The following DEPDC1B variants were observed in gnomAD, a reference collection of about 807,000 sequenced individuals.
DEPDC1B encodes DEP domain containing 1B.
Under a neutral mutation model 66.5 loss-of-function variants are expected in DEPDC1B, and 51 were observed. That is an observed-to-expected ratio of 0.77 (90% CI 0.61 to 0.97). The LOEUF is 0.97. Among genes scored for constraint, DEPDC1B ranks in the 50% least tolerant of loss-of-function variants. The probability of loss-of-function intolerance (pLI) is 0.00; values close to 1 mark genes in which losing one functional copy is unlikely to be tolerated. For synonymous variants in DEPDC1B, 226 were observed against 223.6 expected (o/e 1.01, Z -0.10); for missense variants, 552 against 637.1 (o/e 0.87, Z 1.44).
At chr5:60,671,723 A>C (rs1233377191) in intron 2 of DEPDC1B, among the ~76,000 whole-genome samples, 1 of 152,108 alleles carries the variant, frequency 6.6e-6, no homozygotes, top group Non-Finnish European at 1.5e-5. Context: ...TCTCTTGCAC[A>C]TCTAGTTCCC....
intron 7 of DEPDC1B, among the ~76,000 whole-genome samples, chr5:60,616,405 A>C (rs1020079850): frequency 1.3e-5 from 2 of 152,194 alleles, no homozygotes; most frequent in Non-Finnish European, 2.9e-5. Context: ...AAAAAATCAG[A>C]CGAACGGCTA....
intron 7 of DEPDC1B, among the ~76,000 whole-genome samples, chr5:60,616,007 C>G (rs947406237): frequency 1.3e-5 from 2 of 152,212 alleles, no homozygotes; most frequent in African/African-American, 4.8e-5. Flanking sequence ...TCTGCAGCCT[C>G]TGCTGCTGAT....
rs954030943 is a variant in DEPDC1B, at chr5:60,609,598, T to A, written c.899-3742A>T. ...TGTCACCTGCAGCTGGAGCATGGAA[T>A]ACAGTTTACCAGACTGGGGAGAAAA... On this transcript the variant is annotated intron_variant, in intron 7 of 10. Coordinates refer to ENST00000265036, the MANE Select transcript of DEPDC1B (RefSeq NM_018369.3). Among the ~76,000 whole-genome samples, 10 of 152,298 alleles carry A rather than the reference T, an allele frequency of 6.6e-5. No individual in the cohort carries two copies. The East Asian group carries it at 1.9e-3, about 29-fold the overall frequency.
At chr5:60,651,023 C>T (rs572250996) in intron 2 of DEPDC1B, among the ~76,000 whole-genome samples, 4 of 152,270 alleles carry the variant, frequency 2.6e-5, no homozygotes, top group South Asian at 4.1e-4. Context: ...GTATGACTAC[C>T]GTGAGCCCAC....
rs1752529504 is a variant in DEPDC1B, at chr5:60,615,575, G to A, written c.899-9719C>T. Among the ~76,000 whole-genome samples the A allele has an allele frequency of 3.9e-5, 6 of 152,354 alleles. No homozygotes were observed. The South Asian group carries it at 1.2e-3, about 32-fold the overall frequency. On this transcript the variant is annotated intron_variant, in intron 7 of 10. Coordinates refer to ENST00000265036, the MANE Select transcript of DEPDC1B (RefSeq NM_018369.3). The stretch of plus-strand genomic sequence containing the variant: ...TAGCACAGCAGTCTGAGATCAAACT[G>A]CAAGGTGGCAGCCAGGCTGGGGGAG...
intron 7 of DEPDC1B, among the ~76,000 whole-genome samples, chr5:60,626,636 A>G (rs937606548): frequency 1.3e-5 from 2 of 152,208 alleles, no homozygotes; most frequent in Non-Finnish European, 2.9e-5. Context: ...TATGTGTTTA[A>G]TTAAAACAAA....
chr5:60,619,289 G>C (rs1315064629), intron 7 of DEPDC1B, among the ~76,000 whole-genome samples: 1 of 152,156 alleles, frequency 6.6e-6, no homozygotes, highest in East Asian at 1.9e-4. Flanking sequence ...TTCTTGCCAA[G>C]GCAATCAGGA....
At chr5:60,635,792 G>A (rs919871768) in intron 7 of DEPDC1B, among the ~76,000 whole-genome samples, 5 of 152,184 alleles carry the variant, frequency 3.3e-5, no homozygotes, top group Non-Finnish European at 7.4e-5. Flanking sequence ...TAAAAAAACA[G>A]AAATATGAAT....
intron 7 of DEPDC1B, among the ~76,000 whole-genome samples, chr5:60,625,103 C>A (rs1441623544): frequency 1.3e-5 from 2 of 152,136 alleles, no homozygotes; most frequent in Admixed American, 1.3e-4. Flanking sequence ...GCATAGTATT[C>A]CCTGGTGTAT....
intron 2 of DEPDC1B, among the ~76,000 whole-genome samples, chr5:60,652,315 A>C (rs1342966177): frequency 1.3e-5 from 2 of 149,194 alleles, no homozygotes; most frequent in African/African-American, 5.1e-5. Flanking sequence ...ATCCTCCACC[A>C]GTCAGCCAAA....
chr5:60,616,236 TCTC>T (rs1752551137), intron 7 of DEPDC1B, among the ~76,000 whole-genome samples: 1 of 151,890 alleles, frequency 6.6e-6, no homozygotes, highest in African/African-American at 2.4e-5. Context: ...TCAGAGCACC[TCTC>T]CTCCTCCAAA....
At position 60,597,714 on chromosome 5, in the gene DEPDC1B, C is replaced by A; in HGVS notation, c.*39G>T. ...CCTAACCACCATTCACTCAAAACAA[C>A]AACAGTGGTCTCTAGCACCTGTTGC... On this transcript the variant is annotated 3_prime_UTR_variant, in exon 11 of 11. Coordinates refer to ENST00000265036, the MANE Select transcript of DEPDC1B (RefSeq NM_018369.3). 6.3e-7 allele frequency: 1 copy of A among 1,587,524 alleles called. No homozygotes were observed. The highest frequency in any genetic ancestry group is 8.5e-7 in the Non-Finnish European group (1 of 1,171,916).
intron 7 of DEPDC1B, among the ~76,000 whole-genome samples, chr5:60,627,220 C>T (rs190818567): frequency 7.4e-4 from 113 of 152,102 alleles, no homozygotes; most frequent in African/African-American, 2.5e-3. Context: ...TTTTTTATTT[C>T]ATCACTAAGA....
At chr5:60,599,011 TA>T (rs58987696) in intron 10 of DEPDC1B, 63 bp downstream of exon 10, 27,419 of 1,145,628 alleles carry the variant, frequency 0.024, 155 homozygotes, top group Middle Eastern at 0.039. Context: ...CCTATTAAAA[TA>T]AAAAAAAAAA....
chr5:60,682,232 G>A (rs1004985491), intron 2 of DEPDC1B, among the ~76,000 whole-genome samples: 5 of 152,094 alleles, frequency 3.3e-5, no homozygotes, highest in Admixed American at 1.3e-4. Context: ...GGATGAAGCC[G>A]GAAACCACCA....
chr5:60,692,162 G>A (rs776068885), intron 1 of DEPDC1B, among the ~76,000 whole-genome samples: 7 of 152,144 alleles, frequency 4.6e-5, no homozygotes, highest in Non-Finnish European at 8.8e-5. Flanking sequence ...AAAGCAGAAT[G>A]GTGGTAACCA....
At chr5:60,684,030 T>G (rs1183284455) in intron 2 of DEPDC1B, among the ~76,000 whole-genome samples, 3 of 151,294 alleles carry the variant, frequency 2.0e-5, no homozygotes, top group African/African-American at 7.3e-5. Context: ...TACCTAGGAA[T>G]AAATTTAACA....
At chr5:60,695,800 CTTT>C (rs966677681) in intron 1 of DEPDC1B, among the ~76,000 whole-genome samples, 2 of 152,034 alleles carry the variant, frequency 1.3e-5, no homozygotes, top group African/African-American at 4.8e-5. Context: ...AAACTTCTTT[CTTT>C]TTTTATTTTT....
At chr5:60,626,603 T>A (rs534725075) in intron 7 of DEPDC1B, among the ~76,000 whole-genome samples, 42 of 152,220 alleles carry the variant, frequency 2.8e-4, no homozygotes, top group African/African-American at 9.4e-4. Context: ...AGAAATACAT[T>A]TTACACTGCA....
Sources: gnomAD v4.1 joint callset for allele counts (sites outside exome capture counted in the v4.1 genomes callset) on GRCh38, gnomAD v4.1.1 for gene constraint, MANE v1.5 for transcripts, NCBI Gene and HGNC (gene_info 2026-07-23, HGNC 2026-07-21) for gene names.